Variants in LRRC37A2 observed in about 807,000 individuals in gnomAD.
LRRC37A2 encodes leucine-rich repeat-containing protein 37A2.
A neutral mutation model predicts 68.8 loss-of-function variants in LRRC37A2; 9 were observed. The ratio of observed to expected loss-of-function variants is 0.13; its 90% CI spans 0.08 to 0.23. The LOEUF (loss-of-function observed/expected upper bound fraction) is 0.23. LRRC37A2 is among the 10% of genes least tolerant of loss of function. LRRC37A2 has a pLI of 1.00. For synonymous variants in LRRC37A2, 63 were observed against 367.6 expected, an observed-to-expected ratio of 0.17 and a Z score of 9.48; for missense variants, 168 against 950.4, an observed-to-expected ratio of 0.18 and a Z score of 10.82.
chr17:46,986,449 C>T, the LRRC37A2 span, among the ~76,000 whole-genome samples: 2 of 152,176 alleles, frequency 1.3e-5, no homozygotes, highest in African/African-American at 2.4e-5. Flanking sequence ...TGACATTCTG[C>T]GCTTCCAACT....
chr17:46,918,831 A>G, the LRRC37A2 span, among the ~76,000 whole-genome samples: 1 of 152,188 alleles, frequency 6.6e-6, no homozygotes, highest in East Asian at 1.9e-4. Flanking sequence ...AGTAACTTCA[A>G]ACTGCTTGTA....
chr17:46,869,802 C>T, the LRRC37A2 span, among the ~76,000 whole-genome samples: 4 of 151,978 alleles, frequency 2.6e-5, no homozygotes, highest in African/African-American at 9.7e-5. Context: ...AGTTCGAAAC[C>T]AGCCTGGCTA....
At chr17:47,030,872 T>TA in the LRRC37A2 span, among the ~76,000 whole-genome samples, 1 of 152,124 alleles carries the variant, frequency 6.6e-6, no homozygotes, top group South Asian at 2.1e-4. Flanking sequence ...CACAAGTTTG[T>TA]AAAAAACAAA....
At chr17:46,778,865 C>G in the LRRC37A2 span, among the ~76,000 whole-genome samples, 1 of 152,136 alleles carries the variant, frequency 6.6e-6, no homozygotes, top group Non-Finnish European at 1.5e-5. Context: ...CATTCTAAAG[C>G]CTTCTGTGAG....
At chr17:46,418,375 A>C in the LRRC37A2 span, among the ~76,000 whole-genome samples, 2 of 57,962 alleles carry the variant, frequency 3.5e-5, no homozygotes, top group Admixed American at 3.7e-4. Flanking sequence ...ACTCTTTCCT[A>C]ATAGTACCAC....
At chr17:46,714,096 C>T in the LRRC37A2 span, 2 of 1,208,446 alleles carry the variant, frequency 1.7e-6, no homozygotes, top group East Asian at 5.8e-5. Context: ...CAACTATGTT[C>T]TTCTCAAGTG....
At chr17:47,021,272 T>C in the LRRC37A2 span, among the ~76,000 whole-genome samples, 2 of 147,400 alleles carry the variant, frequency 1.4e-5, no homozygotes, top group South Asian at 2.2e-4. Flanking sequence ...TTAGAATCCA[T>C]ATGTAAAGTG....
the LRRC37A2 span, among the ~76,000 whole-genome samples, chr17:46,884,231 C>T: frequency 6.6e-6 from 1 of 152,212 alleles, no homozygotes; most frequent in Admixed American, 6.5e-5. Flanking sequence ...GCCCTCCGAG[C>T]CCGGGGTCAC....
At chr17:47,044,057 A>AT in the LRRC37A2 span, among the ~76,000 whole-genome samples, 1 of 124,386 alleles carries the variant, frequency 8.0e-6, no homozygotes, top group East Asian at 2.2e-4. Flanking sequence ...AAAAAAAAAA[A>AT]AAAAAAATAG....
chr17:46,982,358 G>C, the LRRC37A2 span, among the ~76,000 whole-genome samples: 1 of 152,244 alleles, frequency 6.6e-6, no homozygotes. Flanking sequence ...GTAAAGGAAA[G>C]GGGTGGGGTG....
the LRRC37A2 span, among the ~76,000 whole-genome samples, chr17:46,873,924 G>C: frequency 6.6e-6 from 1 of 151,636 alleles, no homozygotes. Flanking sequence ...GGGAGGTGGA[G>C]GTTGCAGTGA....
the LRRC37A2 span, among the ~76,000 whole-genome samples, chr17:46,901,273 T>C: frequency 6.6e-6 from 1 of 152,148 alleles, no homozygotes; most frequent in Non-Finnish European, 1.5e-5. Flanking sequence ...GTGATTCTCC[T>C]GTCTCAGCCT....
At chr17:46,724,186 A>G in the LRRC37A2 span, among the ~76,000 whole-genome samples, 61 of 152,272 alleles carry the variant, frequency 4.0e-4, no homozygotes, top group Middle Eastern at 3.4e-3. Context: ...TTCAAGTCTC[A>G]GGTTAAGTGT....
the LRRC37A2 span, among the ~76,000 whole-genome samples, chr17:46,735,366 A>T: frequency 6.6e-6 from 1 of 152,032 alleles, no homozygotes; most frequent in Non-Finnish European, 1.5e-5. Context: ...TTAGCTTTTG[A>T]AAGGTGGGGA....
chr17:46,772,778 C>T, the LRRC37A2 span, among the ~76,000 whole-genome samples: 1 of 151,866 alleles, frequency 6.6e-6, no homozygotes, highest in Non-Finnish European at 1.5e-5. Context: ...CCAACCCCAC[C>T]CAGCACCCCA....
the LRRC37A2 span, among the ~76,000 whole-genome samples, chr17:46,778,170 C>A: frequency 1.3e-5 from 2 of 152,174 alleles, no homozygotes; most frequent in African/African-American, 4.8e-5. Context: ...TGTCACCAAC[C>A]TCATTTCTCC....
At chr17:47,008,614 G>A in the LRRC37A2 span, among the ~76,000 whole-genome samples, 1,469 of 151,760 alleles carry the variant, frequency 9.7e-3, 29 homozygotes, top group African/African-American at 0.034. Context: ...ATACCACCAT[G>A]CCTGGCTAGT....
chr17:46,901,946 T>C, the LRRC37A2 span, among the ~76,000 whole-genome samples: 2 of 152,124 alleles, frequency 1.3e-5, no homozygotes, highest in Admixed American at 6.5e-5. Flanking sequence ...TAGTTGGGAT[T>C]ACAGGCGCCC....
chr17:46,966,465 A>T, the LRRC37A2 span: 1 of 628,198 alleles, frequency 1.6e-6, no homozygotes, highest in Non-Finnish European at 2.9e-6. Context: ...CTCCCATCTC[A>T]GCCTCCAGGG....
Sources: allele counts gnomAD v4.1 joint callset (sites outside exome capture counted in the v4.1 genomes callset), GRCh38; gene constraint gnomAD v4.1.1; transcripts MANE v1.5; gene names NCBI Gene and HGNC (gene_info 2026-07-23, HGNC 2026-07-21).